FOSL2: variants seen among roughly 807,000 people sequenced by gnomAD.
FOSL2 encodes the protein FOS like 2, AP-1 transcription factor subunit.
FOSL2 carries 3 observed loss-of-function variants against 27.7 expected under a neutral mutation model. The observed-to-expected ratio is 0.11, with a 90% CI of 0.05 to 0.28. FOSL2 has a LOEUF of 0.28. Among genes scored for constraint, FOSL2 ranks in the 10% least tolerant of loss-of-function variants. The pLI is 1.00. For synonymous variants in FOSL2, 179 were observed against 190.1 expected (o/e 0.94, Z 0.48); for missense variants, 333 against 445.1 (o/e 0.75, Z 2.27).
rs1012033854 is a variant in FOSL2 at position 28,404,518 on chromosome 2, A to G, written c.354+160A>G. On this transcript the variant is annotated intron_variant, in intron 2 of 3. Transcript: ENST00000264716. This position sits in a 1 kb window ranked among gnomAD's most constrained non-coding sequence, Gnocchi z 4.7. Reference sequence around the variant, plus strand: ...ACGTCATCCCCCTTACTGGAGGCCGAGCTGGAGAGCCAAGACTCAGGCTGG... The same window carrying G: ...ACGTCATCCCCCTTACTGGAGGCCGGGCTGGAGAGCCAAGACTCAGGCTGG... Among the ~76,000 whole-genome samples the G allele has an allele frequency of 1.3e-5, 2 of 152,156 alleles. No individual in the cohort carries two copies. The highest frequency in any genetic ancestry group is 4.8e-5 in the African/African-American group (2 of 41,424).
intron 2 of FOSL2, among the ~76,000 whole-genome samples, chr2:28,405,170 A>G (rs1664050933): frequency 6.6e-6 from 1 of 152,168 alleles, no homozygotes; most frequent in Non-Finnish European, 1.5e-5. Context: ...CTGGTCTTGG[A>G]AAGGGAAATC....
At position 28,393,793 on chromosome 2, in the gene FOSL2, T is replaced by G; in HGVS notation, c.73T>G (p.Ser25Ala). The change falls in exon 1 of 4, where the codon TCC (serine) becomes GCC (alanine). Residue 25 changes from serine (S) to alanine (A), a missense_variant. By Grantham distance (99) the Ser-to-Ala change is moderately conservative. This residue lies in a region of FOSL2 where 131 missense variants were observed against 157.9 expected (regional missense o/e 0.83). Transcript: ENST00000264716. The surrounding 1 kb of genome is among the most constrained non-coding windows in gnomAD (Gnocchi z 4.6). ...GSSGSPAHAE[S>A]YSSGGGGQQK... is the part of the protein sequence containing the mutation. ...CAGCGGCTCTCCTGCGCACGCCGAG[T>G]CCTACTCCAGCGGCGGCGGCGGCCA... is the stretch of plus-strand genomic sequence containing the variant. 1 of 1,605,344 alleles carries G rather than the reference T, an allele frequency of 6.2e-7. No homozygotes were observed. The highest frequency in any genetic ancestry group is 8.5e-7 in the Non-Finnish European group (1 of 1,176,726).
At position 28,416,596 on chromosome 2, in the gene FOSL2, G is replaced by A. The variant is rs537668262; in HGVS notation, c.*4148G>A. On this transcript the variant is annotated 3_prime_UTR_variant, in exon 4 of 4. Coordinates refer to ENST00000264716, the MANE Select transcript of FOSL2 (RefSeq NM_005253.4). ...TTTCATTCCTCTGGGGACAGTGGTC[G>A]CCAAGACATCTACATTGTAAGAGAA... 5.9e-5 allele frequency: 9 copies of A among 151,900 alleles called. No homozygotes were observed. Among genetic ancestry groups the A allele is most frequent in the African/African-American group, 9.7e-5 (4 of 41,414 alleles). The allele number at this position is 151,900 out of a possible 1,614,324, so 9.4% of individuals were successfully genotyped here. A position where few individuals can be genotyped will look rare whatever the true frequency, so the allele number is the denominator to read the frequency against.
rs1247758206 is a variant in FOSL2, at chr2:28,412,480, G to A, written c.*32G>A. On this transcript the variant is annotated 3_prime_UTR_variant, in exon 4 of 4. Coordinates refer to ENST00000264716, the MANE Select transcript of FOSL2 (RefSeq NM_005253.4). This position sits in a 1 kb window ranked among gnomAD's most constrained non-coding sequence, Gnocchi z 7.1. ...GCACCTCCCTCCCCAGCTCCGGAGG[G>A]GGTCCTCCTCGCTCCTCCTTCCCAG... 8 of 1,583,936 alleles carry A rather than the reference G, an allele frequency of 5.1e-6. No homozygotes were observed. Among genetic ancestry groups the A allele is most frequent in the Non-Finnish European group, 6.8e-6 (8 of 1,169,346 alleles).
intron 1 of FOSL2, among the ~76,000 whole-genome samples, chr2:28,402,110 G>T (rs182160404): frequency 6.7e-6 from 1 of 149,484 alleles, no homozygotes; most frequent in Non-Finnish European, 1.5e-5. Context: ...AATGCATTGT[G>T]CTGGGTAACT....
At chr2:28,405,810 C>T (rs565999061) in intron 2 of FOSL2, among the ~76,000 whole-genome samples, 13 of 152,284 alleles carry the variant, frequency 8.5e-5, no homozygotes, top group African/African-American at 2.9e-4. Context: ...GGCCAGTATC[C>T]TCCTCACAGT....
chr2:28,408,108 T>C lies in FOSL2; in HGVS notation c.355-651T>C, dbSNP rs1352248185. On this transcript the variant is annotated intron_variant, in intron 2 of 3. Transcript: ENST00000264716. This position sits in a 1 kb window ranked among gnomAD's most constrained non-coding sequence, Gnocchi z 4.1. ...GCATGTCCTGTCCAACTTAGCACTG[T>C]ACCAGGCATGTGGGGGAGTACCTGG... Among the ~76,000 whole-genome samples the C allele has an allele frequency of 1.3e-5, 2 of 152,178 alleles. No individual in the cohort carries two copies. The highest frequency in any genetic ancestry group is 2.9e-5 in the Non-Finnish European group (2 of 68,026).
In FOSL2 at chr2:28,412,220, T is replaced by C. The variant is rs1664219071; in HGVS notation, c.753T>C (p.Ile251=). ...GCTCTGTCATCAAGCCCATCAGCAT[T>C]GCTGGGGGCTTCTACGGTGAGGAGC... ...AQRSVIKPIS[I]AGGFYGEEPL... The change falls in exon 4 of 4, where the codon ATT becomes ATC. Residue 251 remains isoleucine (I), a synonymous_variant. Coordinates refer to ENST00000264716, the MANE Select transcript of FOSL2 (RefSeq NM_005253.4). The surrounding 1 kb of genome is among the most constrained non-coding windows in gnomAD (Gnocchi z 7.1). The C allele has an allele frequency of 6.2e-7, 1 of 1,613,534 alleles. No individual in the cohort carries two copies. The highest frequency in any genetic ancestry group is 8.5e-7 in the Non-Finnish European group (1 of 1,179,926).
chr2:28,400,623 C>CAGAT (rs1238904005), intron 1 of FOSL2, among the ~76,000 whole-genome samples: 1 of 152,164 alleles, frequency 6.6e-6, no homozygotes, highest in African/African-American at 2.4e-5. Context: ...GTGTATTATC[C>CAGAT]AGATGGCTTT....
rs1330080795 is a variant in FOSL2 at position 28,393,014 on chromosome 2, G to T, written c.-707G>T. The stretch of plus-strand genomic sequence containing the variant: ...CGGGCCCGTCCGGGAGCGGGCTCCG[G>T]GGAAGGGGTGCGGGTCTGGGCGCCG... On this transcript the variant is annotated 5_prime_UTR_variant, in exon 1 of 4. Transcript: ENST00000264716. The surrounding 1 kb of genome is among the most constrained non-coding windows in gnomAD (Gnocchi z 4.6). 1 of 620,948 alleles carries T rather than the reference G, an allele frequency of 1.6e-6. No homozygotes were observed. The highest frequency in any genetic ancestry group is 1.8e-5 in the African/African-American group (1 of 54,262). The allele number at this position is 620,948 out of a possible 1,614,324, so 38.5% of individuals were successfully genotyped here. A position where few individuals can be genotyped will look rare whatever the true frequency, so the allele number is the denominator to read the frequency against.
Position 28,404,459 on chromosome 2 carries a change from G to A in FOSL2, c.354+101G>A, listed in dbSNP as rs1664037983. 1 of 1,422,898 alleles carries A rather than the reference G, an allele frequency of 7.0e-7. No homozygotes were observed. Among genetic ancestry groups the A allele is most frequent in the East Asian group, 2.3e-5 (1 of 43,572 alleles). The allele number at this position is 1,422,898 out of a possible 1,614,324, so 88.1% of individuals were successfully genotyped here. A position where few individuals can be genotyped will look rare whatever the true frequency, so the allele number is the denominator to read the frequency against. Reference sequence around the variant, plus strand: ...GACTGGGAGGGTTAATGTTCTGAGAGCAGGGGAGACAAGGGAGCTAGGGGT... The same window carrying A: ...GACTGGGAGGGTTAATGTTCTGAGAACAGGGGAGACAAGGGAGCTAGGGGT... On this transcript the variant is annotated intron_variant, in intron 2 of 3. Transcript: ENST00000264716. This position sits in a 1 kb window ranked among gnomAD's most constrained non-coding sequence, Gnocchi z 4.7.
Position 28,404,697 on chromosome 2 carries a change from A to T in FOSL2, c.354+339A>T, listed in dbSNP as rs1664042646. On this transcript the variant is annotated intron_variant, in intron 2 of 3. Coordinates refer to ENST00000264716, the MANE Select transcript of FOSL2 (RefSeq NM_005253.4). The surrounding 1 kb of genome is among the most constrained non-coding windows in gnomAD (Gnocchi z 4.7). ...GCAGGATCCTTCTCTGATCCTTGGC[A>T]AAAGGGCCATGGGACAAGCAGCCAA... Among the ~76,000 whole-genome samples, 1 of 152,202 alleles carries T rather than the reference A, an allele frequency of 6.6e-6. No homozygotes were observed. Among genetic ancestry groups the T allele is most frequent in the East Asian group, 1.9e-4 (1 of 5,190 alleles).
chr2:28,396,934 G>C (rs1234481335), intron 1 of FOSL2: 1 of 151,966 alleles, frequency 6.6e-6, no homozygotes, highest in Non-Finnish European at 1.5e-5. Context: ...TCCCAAGCTA[G>C]CCTCAATCAT....
At chr2:28,407,580 C>A (rs529955035) in intron 2 of FOSL2, among the ~76,000 whole-genome samples, 1 of 152,216 alleles carries the variant, frequency 6.6e-6, no homozygotes, top group Non-Finnish European at 1.5e-5. Flanking sequence ...GGTAGCTTCT[C>A]CCTGCTCCTC....
rs756580326 is a variant in FOSL2, at chr2:28,415,699, G to A, written c.*3251G>A. Reference sequence around the variant, plus strand: ...TTAGGAAGGAAAAGAATACACCTACGATGTGCCAGGCACTGTGTTAGGCGC... The same window carrying A: ...TTAGGAAGGAAAAGAATACACCTACAATGTGCCAGGCACTGTGTTAGGCGC... On this transcript the variant is annotated 3_prime_UTR_variant, in exon 4 of 4. Transcript: ENST00000264716. 2.0e-5 allele frequency: 3 copies of A among 152,136 alleles called. No individual in the cohort carries two copies. The highest frequency in any genetic ancestry group is 4.4e-5 in the Non-Finnish European group (3 of 68,032). 9.4% of individuals were successfully genotyped at this position (152,136 alleles called of 1,614,324 possible).
In FOSL2 at chr2:28,408,750, G is replaced by C; in HGVS notation, c.355-9G>C. On this transcript the variant is annotated splice_polypyrimidine_tract_variant and intron_variant, in intron 2 of 3. Coordinates refer to ENST00000264716, the MANE Select transcript of FOSL2 (RefSeq NM_005253.4). This position sits in a 1 kb window ranked among gnomAD's most constrained non-coding sequence, Gnocchi z 4.1. Reference sequence around the variant, plus strand: ...TGTTCTAACCATGATCCTTGGCTTTGGCCTCTAGCTGTCTCCTGAAGAGGA... The same window carrying C: ...TGTTCTAACCATGATCCTTGGCTTTCGCCTCTAGCTGTCTCCTGAAGAGGA... The C allele has an allele frequency of 6.3e-7, 1 of 1,594,152 alleles. No individual in the cohort carries two copies. Among genetic ancestry groups the C allele is most frequent in the Admixed American group, 1.7e-5 (1 of 57,904 alleles).
At chr2:28,394,906 T>A (rs1663779346) in intron 1 of FOSL2, among the ~76,000 whole-genome samples, 1 of 152,168 alleles carries the variant, frequency 6.6e-6, no homozygotes, top group African/African-American at 2.4e-5. Context: ...GGCGGTGGCC[T>A]TGGCCTCTAG....
chr2:28,408,204 C>G lies in FOSL2; in HGVS notation c.355-555C>G, dbSNP rs1451153728. ...CGGGAGTGGAGTGGCACTCTTGGCC[C>G]TCCCATCAGCAACATAACATTCCCC... On this transcript the variant is annotated intron_variant, in intron 2 of 3. Coordinates refer to ENST00000264716, the MANE Select transcript of FOSL2 (RefSeq NM_005253.4). This position sits in a 1 kb window ranked among gnomAD's most constrained non-coding sequence, Gnocchi z 4.1. Among the ~76,000 whole-genome samples, 4 of 152,336 alleles carry G rather than the reference C, an allele frequency of 2.6e-5. No homozygotes were observed. Among genetic ancestry groups the G allele is most frequent in the African/African-American group, 9.6e-5 (4 of 41,568 alleles).
In FOSL2 at chr2:28,393,837, C is replaced by T. The variant is rs1174422175; in HGVS notation, c.102+15C>T. 13 of 1,567,304 alleles carry T rather than the reference C, an allele frequency of 8.3e-6. No individual in the cohort carries two copies. In the South Asian group the frequency reaches 1.0e-4, roughly 12 times the overall value. On this transcript the variant is annotated intron_variant, in intron 1 of 3. Coordinates refer to ENST00000264716, the MANE Select transcript of FOSL2 (RefSeq NM_005253.4). This position sits in a 1 kb window ranked among gnomAD's most constrained non-coding sequence, Gnocchi z 4.6. ...GCGGCCAGCAGGTAGGTGCGGGCCC[C>T]GGTGCACCTGGCGGCGCGGGCGGAC...
Sources: gnomAD v4.1 joint callset for allele counts (sites outside exome capture counted in the v4.1 genomes callset) on GRCh38, gnomAD v4.1.1 for gene constraint, gnomAD v4.1.1 regional missense constraint, Gnocchi (gnomAD v3.1) non-coding constraint, MANE v1.5 for transcripts, NCBI Gene and HGNC (gene_info 2026-07-23, HGNC 2026-07-21) for gene names.